KCNK1: variants seen among roughly 807,000 people sequenced by gnomAD.
The protein encoded by KCNK1 is potassium two pore domain channel subfamily K member 1.
KCNK1 carries 10 observed loss-of-function variants against 22.2 expected under a neutral mutation model. The ratio of observed to expected loss-of-function variants is 0.45; its 90% CI spans 0.28 to 0.76. KCNK1 has a LOEUF of 0.76. Ranked by LOEUF, KCNK1 falls within the 30% of genes least tolerant of loss-of-function variation. KCNK1 has a pLI of 0.14. For missense variants in KCNK1, 378 were observed against 421.0 expected, an observed-to-expected ratio of 0.90 and a Z score of 0.89; for synonymous variants, 200 against 186.4, an observed-to-expected ratio of 1.07 and a Z score of -0.60.
intron 1 of KCNK1, among the ~76,000 whole-genome samples, chr1:233,636,356 C>A (rs531480726): frequency 2.0e-4 from 31 of 152,258 alleles, no homozygotes; most frequent in Admixed American, 3.3e-4. Flanking sequence ...GAGAGATCTC[C>A]GTGGCTTGGG....
intron 1 of KCNK1, chr1:233,660,699 C>T (rs937492469): frequency 2.0e-5 from 3 of 152,218 alleles, no homozygotes; most frequent in African/African-American, 4.8e-5. Flanking sequence ...CATTACTAAA[C>T]GTTGTTTTTG....
rs186838410 is a variant in KCNK1 at position 233,628,024 on chromosome 1, C to T, written c.355+13498C>T. 1.1e-3 allele frequency among the ~76,000 whole-genome samples: 171 copies of T among 152,326 alleles called. 1 individual carries two copies. Among genetic ancestry groups the T allele is most frequent in the South Asian group, 2.5e-3 (12 of 4,822 alleles). On this transcript the variant is annotated intron_variant, in intron 1 of 2. Transcript: ENST00000366621. ...TTGTGCGTTGACTTGTGTTAGTCAT[C>T]TCTACCCAGATGTCTGGGCTGTGTC...
chr1:233,643,180 G>A (rs755402452), intron 1 of KCNK1, among the ~76,000 whole-genome samples: 1 of 152,134 alleles, frequency 6.6e-6, no homozygotes, highest in African/African-American at 2.4e-5. Flanking sequence ...TGCTAGTTCA[G>A]TCATGCATAT....
At chr1:233,622,372 C>T (rs1571888782) in intron 1 of KCNK1, among the ~76,000 whole-genome samples, 1 of 152,214 alleles carries the variant, frequency 6.6e-6, no homozygotes, top group African/African-American at 2.4e-5. Flanking sequence ...CCGTGAAATA[C>T]TAAGGTGCTG....
chr1:233,666,051 C>A (rs1658483231), intron 1 of KCNK1, among the ~76,000 whole-genome samples: 1 of 152,194 alleles, frequency 6.6e-6, no homozygotes, highest in Non-Finnish European at 1.5e-5. Flanking sequence ...TTCATTGATT[C>A]TACTCCACCC....
Position 233,667,618 on chromosome 1 carries a change from T to C in KCNK1, c.751+628T>C, listed in dbSNP as rs527842909. ...GGTAGCGGGCGCCTGTAGTCCCAGCTACTCGGGAGGCTGAGGCAGGAGAAT... is the reference window on the plus strand; with the variant it reads ...GGTAGCGGGCGCCTGTAGTCCCAGCCACTCGGGAGGCTGAGGCAGGAGAAT... On this transcript the variant is annotated intron_variant, in intron 2 of 2. Transcript: ENST00000366621. 2.0e-5 allele frequency among the ~76,000 whole-genome samples: 3 copies of C among 149,712 alleles called. No homozygotes were observed. In the South Asian group the frequency reaches 6.4e-4, roughly 32 times the overall value.
intron 1 of KCNK1, among the ~76,000 whole-genome samples, chr1:233,619,813 G>A (rs1657546950): frequency 6.6e-6 from 1 of 151,886 alleles, no homozygotes; most frequent in South Asian, 2.1e-4. Flanking sequence ...GGGAGGCTAA[G>A]GCAGGAGAAT....
intron 1 of KCNK1, among the ~76,000 whole-genome samples, chr1:233,651,882 T>C (rs1176113477): frequency 6.6e-6 from 1 of 152,236 alleles, no homozygotes; most frequent in Non-Finnish European, 1.5e-5. Flanking sequence ...AAGACGTTTA[T>C]GTGGATTACA....
At chr1:233,667,940 A>G (rs996962611) in intron 2 of KCNK1, among the ~76,000 whole-genome samples, 2 of 152,212 alleles carry the variant, frequency 1.3e-5, no homozygotes, top group African/African-American at 2.4e-5. Context: ...TTCTTTTTAG[A>G]AGAAGTTCGC....
Position 233,619,807 on chromosome 1 carries a change from G to A in KCNK1, c.355+5281G>A, listed in dbSNP as rs142964876. On this transcript the variant is annotated intron_variant, in intron 1 of 2. Coordinates refer to ENST00000366621, the MANE Select transcript of KCNK1 (RefSeq NM_002245.4). ...CACCTGTAATCCCAGCTACTCGGGAGGCTAAGGCAGGAGAATTGCTTGAAC... is the reference window on the plus strand; with the variant it reads ...CACCTGTAATCCCAGCTACTCGGGAAGCTAAGGCAGGAGAATTGCTTGAAC... 7.2e-3 allele frequency among the ~76,000 whole-genome samples: 1,089 copies of A among 151,974 alleles called. 10 individuals are homozygous for A. Among genetic ancestry groups the A allele is most frequent in the Middle Eastern group, 0.048 (14 of 294 alleles).
intron 1 of KCNK1, chr1:233,655,904 G>GGA: frequency 7.1e-6 from 1 of 141,384 alleles, no homozygotes; most frequent in Middle Eastern, 3.5e-3. Flanking sequence ...GGTAAAGTGG[G>GGA]AAAAAAAAAA....
intron 1 of KCNK1, among the ~76,000 whole-genome samples, chr1:233,629,228 G>A (rs1199134153): frequency 6.6e-6 from 1 of 152,122 alleles, no homozygotes; most frequent in Non-Finnish European, 1.5e-5. Context: ...AATTGTATGG[G>A]ACCCCATGGT....
At chr1:233,615,186 G>A (rs911029648) in intron 1 of KCNK1, among the ~76,000 whole-genome samples, 1 of 152,244 alleles carries the variant, frequency 6.6e-6, no homozygotes, top group African/African-American at 2.4e-5. Context: ...TTCAGAGTAG[G>A]AGGAAGGGTG....
intron 1 of KCNK1, among the ~76,000 whole-genome samples, chr1:233,663,093 A>G (rs1658430232): frequency 2.6e-5 from 4 of 152,216 alleles, no homozygotes; most frequent in Admixed American, 2.6e-4. Flanking sequence ...TAAGCCGTCT[A>G]CTGCAAACGA....
At chr1:233,662,129 A>G (rs1658404038) in intron 1 of KCNK1, among the ~76,000 whole-genome samples, 2 of 152,188 alleles carry the variant, frequency 1.3e-5, no homozygotes, top group South Asian at 4.1e-4. Flanking sequence ...TGCAAAGTAA[A>G]TTCTGTTTTA....
intron 1 of KCNK1, among the ~76,000 whole-genome samples, chr1:233,627,082 T>C (rs1657701885): frequency 6.6e-6 from 1 of 152,172 alleles, no homozygotes; most frequent in South Asian, 2.1e-4. Flanking sequence ...TGACGATTTT[T>C]ACAGTTTGTA....
chr1:233,629,279 T>C (rs1436448018), intron 1 of KCNK1, among the ~76,000 whole-genome samples: 1 of 152,050 alleles, frequency 6.6e-6, no homozygotes, highest in African/African-American at 2.4e-5. Context: ...TGTAGGACTT[T>C]GATAGGGAGA....
intron 1 of KCNK1, among the ~76,000 whole-genome samples, chr1:233,642,060 A>G (rs981086062): frequency 7.3e-5 from 11 of 151,544 alleles, no homozygotes; most frequent in African/African-American, 1.7e-4. Flanking sequence ...GTGTTTGTCA[A>G]TCATCTGTCT....
chr1:233,655,402 C>A (rs1198617890), intron 1 of KCNK1, among the ~76,000 whole-genome samples: 1 of 152,104 alleles, frequency 6.6e-6, no homozygotes, highest in Non-Finnish European at 1.5e-5. Context: ...AGACTTTGGA[C>A]TACAGACCTT....
Sources: gnomAD v4.1 joint callset for allele counts (sites outside exome capture counted in the v4.1 genomes callset) on GRCh38, gnomAD v4.1.1 for gene constraint, MANE v1.5 for transcripts, NCBI Gene and HGNC (gene_info 2026-07-23, HGNC 2026-07-21) for gene names.